The following KIF1B variants were observed in gnomAD, a reference collection of about 807,000 sequenced individuals.
KIF1B encodes kinesin-like protein KIF1B.
KIF1B carries 76 observed loss-of-function variants against 241.9 expected under a neutral mutation model. The ratio of observed to expected loss-of-function variants is 0.31; its 90% confidence interval spans 0.26 to 0.38. KIF1B has a LOEUF of 0.38. Ranked by LOEUF, KIF1B falls within the 10% of genes least tolerant of loss-of-function variation. The probability of loss-of-function intolerance (pLI) is 1.00; values close to 1 mark genes in which losing one functional copy is unlikely to be tolerated. For synonymous variants in KIF1B, 750 were observed against 796.7 expected (o/e 0.94, Z 0.99); for missense variants, 1,622 against 2,271.4 (o/e 0.71, Z 5.81).
chr1:10,244,907 C>T (rs1341417403), intron 2 of KIF1B, among the ~76,000 whole-genome samples: 4 of 152,194 alleles, frequency 2.6e-5, no homozygotes, highest in South Asian at 2.1e-4. Flanking sequence ...CCACCGCGCC[C>T]GGCCGCCATT....
chr1:10,234,487 C>T (rs1313929542), intron 2 of KIF1B, among the ~76,000 whole-genome samples: 1 of 150,922 alleles, frequency 6.6e-6, no homozygotes. Context: ...GGATTATAGG[C>T]ATGAGCTGCC....
intron 15 of KIF1B, among the ~76,000 whole-genome samples, chr1:10,290,120 C>G (rs7516878): frequency 0.71 from 107,083 of 151,786 alleles, 39,429 homozygotes; most frequent in African/African-American, 0.93. Flanking sequence ...AACATGTTTT[C>G]GTTCTTTTTA....
intron 1 of KIF1B, among the ~76,000 whole-genome samples, chr1:10,221,553 A>G (rs932906526): frequency 4.6e-5 from 7 of 152,100 alleles, no homozygotes; most frequent in Non-Finnish European, 7.4e-5. Flanking sequence ...CAGTATATCC[A>G]TTGTCAGCAG....
intron 22 of KIF1B, among the ~76,000 whole-genome samples, chr1:10,300,800 G>A (rs563584920): frequency 6.6e-6 from 1 of 152,166 alleles, no homozygotes; most frequent in South Asian, 2.1e-4. Flanking sequence ...CTTAAAATTA[G>A]CCATTATGAT....
rs774839409 is a variant in KIF1B, at chr1:10,296,586, C to T, written c.1782C>T (p.Ile594=). Reference sequence around the variant, plus strand: ...GTTTGTGTTTGTTCCTCTTAGTTATCGTGACCTTAGAGCCCTGTGAGCGCT... The same window carrying T: ...GTTTGTGTTTGTTCCTCTTAGTTATTGTGACCTTAGAGCCCTGTGAGCGCT... The part of the protein sequence containing the change: ...RSERSNSGEV[I]VTLEPCERSE... Residue 594 remains isoleucine (I), a synonymous_variant, in exon 20 of 49, where the codon ATC becomes ATT. Coordinates refer to ENST00000676179, the MANE Select transcript of KIF1B (RefSeq NM_001365951.3). 8.7e-6 allele frequency: 14 copies of T among 1,612,882 alleles called. No individual in the cohort carries two copies. Among genetic ancestry groups the T allele is most frequent in the East Asian group, 4.5e-5 (2 of 44,866 alleles).
intron 2 of KIF1B, among the ~76,000 whole-genome samples, chr1:10,236,300 CAACAAA>C (rs951085112): frequency 1.3e-5 from 2 of 150,578 alleles, no homozygotes; most frequent in South Asian, 2.1e-4. Flanking sequence ...ACAACAACAA[CAACAAA>C]AACCCATATA....
chr1:10,345,142 C>G (rs765204082), intron 34 of KIF1B, among the ~76,000 whole-genome samples: 1 of 151,580 alleles, frequency 6.6e-6, no homozygotes, highest in African/African-American at 2.4e-5. Context: ...TGCAGTGAGC[C>G]GAGATCACGC....
chr1:10,264,959 C>T (rs1021680501), intron 5 of KIF1B, among the ~76,000 whole-genome samples: 3 of 151,986 alleles, frequency 2.0e-5, no homozygotes, highest in Non-Finnish European at 4.4e-5. Flanking sequence ...CTGCGCCCGG[C>T]CTTTTTTTCT....
intron 11 of KIF1B, 26 bp from the exon 12 acceptor site, chr1:10,276,295 T>C: frequency 6.5e-7 from 1 of 1,548,052 alleles, no homozygotes; most frequent in African/African-American, 1.4e-5. Flanking sequence ...TGAGTGTGAT[T>C]TGATACTCAT....
At chr1:10,289,430 T>C (rs949606559) in intron 15 of KIF1B, among the ~76,000 whole-genome samples, 2 of 152,190 alleles carry the variant, frequency 1.3e-5, no homozygotes, top group African/African-American at 2.4e-5. Context: ...TTCTTTGATC[T>C]CTGCTCACAT....
At position 10,272,295 on chromosome 1, in the gene KIF1B, T is replaced by C; in HGVS notation, c.853T>C (p.Leu285=). The C allele has an allele frequency of 6.2e-7, 1 of 1,604,764 alleles. No homozygotes were observed. Among genetic ancestry groups the C allele is most frequent in the Non-Finnish European group, 8.5e-7 (1 of 1,171,484 alleles). ...LTTLGKVISA[L]AEVDNCTSKS... ...AACTTTGGGCAAAGTCATTTCAGCC[T>C]TGGCCGAGGTGGTAAGTTTTATACT... Residue 285 remains leucine, a synonymous_variant, in exon 9 of 49, where the codon TTG becomes CTG. Transcript: ENST00000676179.
Position 10,303,612 on chromosome 1 carries a change from T to C in KIF1B, c.2115+6366T>C. On this transcript the variant is annotated intron_variant, in intron 22 of 48. Coordinates refer to ENST00000676179, the MANE Select transcript of KIF1B (RefSeq NM_001365951.3). This position sits in a 1 kb window ranked among gnomAD's most constrained non-coding sequence, Gnocchi z 5.2. ...AGAAGATCGAAGACGTCATGGCCACTGGGAAAGGCAGCACTGATGTAGATG... is the reference window on the plus strand; with the variant it reads ...AGAAGATCGAAGACGTCATGGCCACCGGGAAAGGCAGCACTGATGTAGATG... The C allele has an allele frequency of 1.9e-6, 3 of 1,614,154 alleles. No homozygotes were observed. The highest frequency in any genetic ancestry group is 2.5e-6 in the Non-Finnish European group (3 of 1,180,042).
chr1:10,362,663 C>T (rs951422420), intron 40 of KIF1B, among the ~76,000 whole-genome samples: 1 of 152,168 alleles, frequency 6.6e-6, no homozygotes, highest in African/African-American at 2.4e-5. Flanking sequence ...TTGTTTCCCT[C>T]ATATCGTCTC....
chr1:10,232,284 T>G lies in KIF1B; in HGVS notation c.-45T>G. On this transcript the variant is annotated 5_prime_UTR_variant, in exon 2 of 49. In the 5' UTR this introduces an upstream ATG that the reference lacks. Transcript: ENST00000676179. The stretch of plus-strand genomic sequence containing the variant: ...CTGTAACTTCAAAAGAAGATTTGAT[T>G]CTTTATTTCTGGACTGCATATATAT... 2 of 1,410,248 alleles carry G rather than the reference T, an allele frequency of 1.4e-6. No individual in the cohort carries two copies. Among genetic ancestry groups the G allele is most frequent in the Non-Finnish European group, 2.0e-6 (2 of 1,004,844 alleles). The allele number at this position is 1,410,248 out of a possible 1,614,324, so 87.4% of individuals were successfully genotyped here.
chr1:10,375,786 G>GTTTTTTTTTTTTT (rs201620952), intron 48 of KIF1B, among the ~76,000 whole-genome samples: 2 of 69,590 alleles, frequency 2.9e-5, no homozygotes, highest in African/African-American at 5.9e-5. Flanking sequence ...TTCTTTTCTT[G>GTTTTTTTTTTTTT]TTTTTTTTTT....
Position 10,326,786 on chromosome 1 carries a change from G to C in KIF1B, c.2924+427G>C, listed in dbSNP as rs1339181560. Among the ~76,000 whole-genome samples, 1 of 152,190 alleles carries C rather than the reference G, an allele frequency of 6.6e-6. No individual in the cohort carries two copies. Among genetic ancestry groups the C allele is most frequent in the Non-Finnish European group, 1.5e-5 (1 of 68,034 alleles). ...TAACATGAGAGAGGGGGCAGAGTGA[G>C]GCCAAGGTTTGGCTGAAGAATTTGT... On this transcript the variant is annotated intron_variant, in intron 27 of 48. Transcript: ENST00000676179. This position sits in a 1 kb window ranked among gnomAD's most constrained non-coding sequence, Gnocchi z 5.2.
chr1:10,257,824 T>G (rs1010791218), intron 3 of KIF1B, among the ~76,000 whole-genome samples: 2 of 152,010 alleles, frequency 1.3e-5, no homozygotes, highest in African/African-American at 4.8e-5. Context: ...TACAGGCAGG[T>G]GCCACCACAC....
In KIF1B at chr1:10,337,495, A is replaced by G; in HGVS notation, c.3384A>G (p.Gly1128=). ...GAGTAACAGTGTTGCAGGCCAGTGG[A>G]ATCCTCCCAGAGTATGCAGATATCT... The part of the protein sequence containing the change: ...TFRVTVLQAS[G]ILPEYADIFC... The change falls in exon 31 of 49, where the codon GGA becomes GGG. Residue 1128 remains glycine, a synonymous_variant. Coordinates refer to ENST00000676179, the MANE Select transcript of KIF1B (RefSeq NM_001365951.3). The surrounding 1 kb of genome is among the most constrained non-coding windows in gnomAD (Gnocchi z 4.0). 6.2e-7 allele frequency: 1 copy of G among 1,614,172 alleles called. No individual in the cohort carries two copies. Among genetic ancestry groups the G allele is most frequent in the Non-Finnish European group, 8.5e-7 (1 of 1,180,024 alleles).
intron 44 of KIF1B, among the ~76,000 whole-genome samples, chr1:10,370,676 C>CAAT (rs1051406949): frequency 7.5e-6 from 1 of 133,280 alleles, no homozygotes; most frequent in African/African-American, 2.9e-5. Flanking sequence ...ATAATGACAA[C>CAAT]AATAATAATA....
Sources: allele counts gnomAD v4.1 joint callset (sites outside exome capture counted in the v4.1 genomes callset), GRCh38; gene constraint gnomAD v4.1.1; non-coding constraint Gnocchi (gnomAD v3.1); transcripts MANE v1.5; gene names NCBI Gene and HGNC (gene_info 2026-07-23, HGNC 2026-07-21).